Variants in RET observed in about 807,000 individuals in gnomAD.
RET encodes ret proto-oncogene.
In RET, 19 loss-of-function variants were observed where a neutral mutation model predicts 118.3. The ratio of observed to expected loss-of-function variants is 0.16; its 90% CI spans 0.11 to 0.24. The LOEUF is 0.24. Ranked by LOEUF, RET falls within the 10% of genes least tolerant of loss-of-function variation. The pLI is 1.00. For synonymous variants in RET, 597 were observed against 644.1 expected (o/e 0.93, Z 1.11); for missense variants, 1,219 against 1,502.1 (o/e 0.81, Z 3.12).
At position 43,123,683 on chromosome 10, in the gene RET, T is replaced by C. The variant is rs1838267124; in HGVS notation, c.2814T>C (p.Gly938=). The C allele has an allele frequency of 6.2e-7, 1 of 1,614,114 alleles. No individual in the cohort carries two copies. Among genetic ancestry groups the C allele is most frequent in the Non-Finnish European group, 8.5e-7 (1 of 1,180,030 alleles). The stretch of plus-strand genomic sequence containing the variant: ...TCACTCTCTGCAGATGGTCTTTTGG[T>C]GTCCTGCTGTGGGAGATCGTGACCC... ...YTTQSDVWSF[G]VLLWEIVTLG... The change falls in exon 17 of 20, where the codon GGT becomes GGC. Residue 938 remains glycine (G), a synonymous_variant. Coordinates refer to ENST00000355710, the MANE Select transcript of RET (RefSeq NM_020975.6).
chr10:43,126,711 A>T lies in RET; in HGVS notation c.3176A>T (p.Asn1059Ile), dbSNP rs772395752. The change falls in exon 19 of 20, where the codon AAC (asparagine) becomes ATC (isoleucine). Residue 1059 changes from asparagine to isoleucine, a missense_variant. Around this residue, in one of 5 missense-constraint regions of RET, gnomAD observed 174 missense variants for 179.3 expected, o/e 0.97. Coordinates refer to ENST00000355710, the MANE Select transcript of RET (RefSeq NM_020975.6). ...GCCCTCCCTTCCACATGGATTGAAA[A>T]CAAACTCTATGGTAGAATTTCCCAT... ...PRALPSTWIE[N>I]KLYGMSDPNW... 1 of 1,613,898 alleles carries T rather than the reference A, an allele frequency of 6.2e-7. No homozygotes were observed. Among genetic ancestry groups the T allele is most frequent in the Non-Finnish European group, 8.5e-7 (1 of 1,179,972 alleles).
intron 1 of RET, among the ~76,000 whole-genome samples, chr10:43,096,251 A>G (rs1172516785): frequency 1.3e-5 from 2 of 152,110 alleles, no homozygotes; most frequent in Non-Finnish European, 2.9e-5. Flanking sequence ...CTTGGTCCAC[A>G]GGCCAGGCGG....
intron 1 of RET, among the ~76,000 whole-genome samples, chr10:43,095,743 C>G (rs1419563351): frequency 2.6e-5 from 4 of 152,194 alleles, no homozygotes. Context: ...TGCGTGCATA[C>G]ATATACACAC....
chr10:43,096,023 T>TGCTGCAGAAGTACAGGG (rs1259292664), intron 1 of RET, among the ~76,000 whole-genome samples: 1 of 152,212 alleles, frequency 6.6e-6, no homozygotes, highest in Non-Finnish European at 1.5e-5. Context: ...GCCACCGCTG[T>TGCTGCAGAAGTACAGGG]GCTGCAGAAG....
At position 43,127,671 on chromosome 10, in the gene RET, C is replaced by T. The variant is rs1838365230; in HGVS notation, c.3188-441C>T. On this transcript the variant is annotated intron_variant, in intron 19 of 19. Coordinates refer to ENST00000355710, the MANE Select transcript of RET (RefSeq NM_020975.6). ...TGCTGACGATGCTATGAGGCTGGCC[C>T]GTGTGCACCCTCGATTTGGAAGGTC... Among the ~76,000 whole-genome samples, 5 of 151,596 alleles carry T rather than the reference C, an allele frequency of 3.3e-5. No homozygotes were observed. The South Asian group carries it at 6.3e-4, about 19-fold the overall frequency.
At chr10:43,107,150 A>G (rs533180710) in intron 5 of RET, among the ~76,000 whole-genome samples, 13 of 152,182 alleles carry the variant, frequency 8.5e-5, no homozygotes, top group African/African-American at 2.9e-4. Context: ...TCGCCTTCCA[A>G]ATAAACCACC....
intron 1 of RET, among the ~76,000 whole-genome samples, chr10:43,095,589 C>T (rs1291410538): frequency 6.6e-6 from 1 of 152,246 alleles, no homozygotes; most frequent in African/African-American, 2.4e-5. Context: ...AGCCCAGCCA[C>T]GTGTGGAACA....
intron 1 of RET, among the ~76,000 whole-genome samples, chr10:43,083,817 C>T (rs1251267297): frequency 2.0e-5 from 3 of 152,198 alleles, no homozygotes; most frequent in African/African-American, 7.2e-5. Flanking sequence ...ATAAGTTTAA[C>T]CATTTATAAG....
intron 19 of RET, chr10:43,126,947 G>A: frequency 1.4e-6 from 2 of 1,423,870 alleles, no homozygotes; most frequent in Non-Finnish European, 1.8e-6. Flanking sequence ...TTACCACATT[G>A]CCCAGCAACT....
At chr10:43,081,182 GC>G (rs397732499) in intron 1 of RET, among the ~76,000 whole-genome samples, 120 of 150,820 alleles carry the variant, frequency 8.0e-4, no homozygotes, top group Middle Eastern at 3.4e-3. Flanking sequence ...CCAGAAGTGG[GC>G]CCCCCCCATC....
At chr10:43,077,373 A>C in intron 1 of RET, 42 bp downstream of exon 1, 1 of 1,493,856 alleles carries the variant, frequency 6.7e-7, no homozygotes, top group Non-Finnish European at 8.9e-7. Context: ...GGCCAGGGCG[A>C]AGTTGGCGCC....
At chr10:43,086,875 G>A (rs1013154249) in intron 1 of RET, among the ~76,000 whole-genome samples, 2 of 152,338 alleles carry the variant, frequency 1.3e-5, no homozygotes, top group Admixed American at 1.3e-4. Context: ...CCTCAGAGCA[G>A]AAGGCTGGGT....
intron 16 of RET, among the ~76,000 whole-genome samples, 190 bp downstream of exon 16, chr10:43,122,206 G>A (rs1162347711): frequency 5.3e-5 from 8 of 152,184 alleles, no homozygotes; most frequent in Non-Finnish European, 5.9e-5. Flanking sequence ...TGAGGCAAAT[G>A]GCTGGGCCAG....
intron 5 of RET, among the ~76,000 whole-genome samples, chr10:43,108,543 C>T (rs1176590796): frequency 1.3e-5 from 2 of 152,094 alleles, no homozygotes; most frequent in Non-Finnish European, 2.9e-5. Context: ...CTGTCATGGC[C>T]CAGAATTCTG....
chr10:43,115,590 T>TG lies in RET; in HGVS notation c.2136+854_2136+855insG, dbSNP rs1838053907. 2.6e-5 allele frequency among the ~76,000 whole-genome samples: 4 copies of TG among 152,228 alleles called. No individual in the cohort carries two copies. The East Asian group carries it at 7.7e-4, about 29-fold the overall frequency. On this transcript the variant is annotated intron_variant, in intron 11 of 19. Transcript: ENST00000355710. ...AGGGCTCTAGGATGAGCCACCAGAG[T>TG]CCTTCATAAACCCAGTGGGTTTGTG...
intron 3 of RET, chr10:43,102,966 G>A (rs1238273230): frequency 2.4e-5 from 9 of 370,376 alleles, no homozygotes; most frequent in African/African-American, 1.5e-4. Flanking sequence ...AAGAGGAGGG[G>A]AACAGACGAG....
chr10:43,119,707 C>G lies in RET; in HGVS notation c.2569C>G (p.Gln857Glu), dbSNP rs2132950134. 1.2e-6 allele frequency: 2 copies of G among 1,613,508 alleles called. No individual in the cohort carries two copies. The highest frequency in any genetic ancestry group is 1.7e-6 in the Non-Finnish European group (2 of 1,179,948). The change falls in exon 14 of 20, where the codon CAG becomes GAG. Residue 857 changes from glutamine (Q) to glutamate (E), a missense_variant. Physicochemically the swap from Gln to Glu is conservative, Grantham distance 29. Transcript: ENST00000355710. ...TMGDLISFAW[Q>E]ISQGMQYLAE... ...GGGCGACCTCATCTCATTTGCCTGG[C>G]AGATCTCACAGGGGATGCAGTATCT...
chr10:43,078,570 G>A (rs900966544), intron 1 of RET, among the ~76,000 whole-genome samples: 6 of 152,242 alleles, frequency 3.9e-5, no homozygotes, highest in African/African-American at 1.4e-4. Flanking sequence ...AGTGCTGCAG[G>A]GGGAAGACAC....
In RET at chr10:43,119,635, C is replaced by T. The variant is rs377767422; in HGVS notation, c.2497C>T (p.Arg833Cys). Residue 833 changes from arginine (R) to cysteine (C), a missense_variant, in exon 14 of 20, where the codon CGC becomes TGC. Arg to Cys is a radical substitution (Grantham distance 180). Around this residue, in one of 5 missense-constraint regions of RET, gnomAD observed 850 missense variants for 969.6 expected, o/e 0.88. Coordinates refer to ENST00000355710, the MANE Select transcript of RET (RefSeq NM_020975.6). ...GPGYLGSGGS[R>C]NSSSLDHPDE... ...TGGCTACCTGGGCAGTGGAGGCAGC[C>T]GCAACTCCAGCTCCCTGGACCACCC... 59 of 1,612,988 alleles carry T rather than the reference C, an allele frequency of 3.7e-5. No individual in the cohort carries two copies. Among genetic ancestry groups the T allele is most frequent in the Non-Finnish European group, 4.5e-5 (53 of 1,179,956 alleles).
Sources: allele counts gnomAD v4.1 joint callset (sites outside exome capture counted in the v4.1 genomes callset), GRCh38; gene constraint gnomAD v4.1.1; regional missense constraint gnomAD v4.1.1; transcripts MANE v1.5; gene names NCBI Gene and HGNC (gene_info 2026-07-23, HGNC 2026-07-21).